The following PEAK1 variants were observed in gnomAD, a reference collection of about 807,000 sequenced individuals.
PEAK1 encodes inactive tyrosine-protein kinase PEAK1.
Under a neutral mutation model 124.7 loss-of-function variants are expected in PEAK1, and 54 were observed. That is an observed-to-expected ratio of 0.43 (90% CI 0.35 to 0.54). PEAK1 has a LOEUF of 0.54. Ranked by LOEUF, PEAK1 falls within the 20% of genes least tolerant of loss-of-function variation. The probability of loss-of-function intolerance (pLI) is 0.01; values close to 1 mark genes in which losing one functional copy is unlikely to be tolerated. For synonymous variants in PEAK1, 719 were observed against 760.0 expected, an observed-to-expected ratio of 0.95 and a Z score of 0.89; for missense variants, 2,046 against 2,134.5, an observed-to-expected ratio of 0.96 and a Z score of 0.82.
At chr15:77,419,163 A>C in intron 1 of PEAK1, 1 of 985,374 alleles carries the variant, frequency 1.0e-6, no homozygotes, top group South Asian at 4.7e-5. Context: ...TTAAAAAACA[A>C]CGAATCGCAA....
chr15:77,180,500 G>C lies in PEAK1; in HGVS notation c.1427C>G (p.Thr476Ser). 6.2e-7 allele frequency: 1 copy of C among 1,614,144 alleles called. No homozygotes were observed. The highest frequency in any genetic ancestry group is 8.5e-7 in the Non-Finnish European group (1 of 1,180,024). ...NLEQPLCKPY[T>S]VVDVSAAMAS... ...CATGGCTGCTGACACATCCACGACAGTATATGGCTTGCACAATGGCTGTTC... is the reference window on the plus strand; with the variant it reads ...CATGGCTGCTGACACATCCACGACACTATATGGCTTGCACAATGGCTGTTC... Residue 476 changes from threonine (T) to serine (S), a missense_variant, in exon 7 of 10, where the codon ACT becomes AGT. Thr to Ser is a moderately conservative substitution (Grantham distance 58). Coordinates refer to ENST00000682557, the MANE Select transcript of PEAK1 (RefSeq NM_001385026.1).
At chr15:77,352,789 T>C in intron 2 of PEAK1, 1 of 982,520 alleles carries the variant, frequency 1.0e-6, no homozygotes, top group Non-Finnish European at 1.2e-6. Flanking sequence ...GATCAACTTC[T>C]CAGAAAGTCA....
chr15:77,193,860 T>TAAA (rs2057976829), intron 6 of PEAK1, among the ~76,000 whole-genome samples: 1 of 137,774 alleles, frequency 7.3e-6, no homozygotes, highest in South Asian at 2.2e-4. Flanking sequence ...ACTAAACTAA[T>TAAA]CTAACTCTCT....
At chr15:77,410,220 TCCTCAGCCTCCCAAGTGATTCTCCTA>T (rs1305883539) in intron 1 of PEAK1, among the ~76,000 whole-genome samples, 2 of 152,002 alleles carry the variant, frequency 1.3e-5, no homozygotes, top group African/African-American at 4.8e-5. Context: ...CCTGAGTAGC[TCCTCAGCCTCCCAAGTGATTCTCCTA>T]CCTCAGCCTC....
At chr15:77,357,928 G>T (rs761698850) in intron 2 of PEAK1, among the ~76,000 whole-genome samples, 1 of 151,896 alleles carries the variant, frequency 6.6e-6, no homozygotes, top group African/African-American at 2.4e-5. Context: ...CTCAAATCCC[G>T]TATCTCAGTC....
At chr15:77,216,512 C>G (rs1257240788) in intron 6 of PEAK1, among the ~76,000 whole-genome samples, 1 of 152,304 alleles carries the variant, frequency 6.6e-6, no homozygotes, top group Non-Finnish European at 1.5e-5. Context: ...GGTGAAGTAA[C>G]TGATGCCTTA....
chr15:77,260,603 A>G (rs2061388780), intron 5 of PEAK1, among the ~76,000 whole-genome samples: 1 of 152,244 alleles, frequency 6.6e-6, no homozygotes, highest in African/African-American at 2.4e-5. Context: ...GATAAAATAT[A>G]TAGAGACAAA....
intron 6 of PEAK1, among the ~76,000 whole-genome samples, chr15:77,206,958 C>T (rs1328060145): frequency 1.3e-5 from 2 of 152,058 alleles, no homozygotes; most frequent in Middle Eastern, 6.3e-3. Context: ...AGAAATAACG[C>T]CGCATACCTA....
chr15:77,279,102 T>C (rs944699461), intron 5 of PEAK1, among the ~76,000 whole-genome samples: 1 of 85,066 alleles, frequency 1.2e-5, no homozygotes, highest in Admixed American at 1.3e-4. Context: ...TGCTCGTGTG[T>C]GCGTGTGTGT....
intron 2 of PEAK1, among the ~76,000 whole-genome samples, chr15:77,330,483 C>T (rs2065828906): frequency 7.7e-6 from 1 of 130,348 alleles, no homozygotes; most frequent in Admixed American, 7.7e-5. Context: ...GTCCAAAGTG[C>T]TTACAAAAGG....
In PEAK1 at chr15:77,347,687, A is replaced by T. The variant is rs1396994693; in HGVS notation, c.-603+17476T>A. The T allele has an allele frequency of 2.0e-5, 19 of 971,122 alleles. 1 individual carries two copies. The Admixed American group carries it at 1.2e-3, about 60-fold the overall frequency. The allele number at this position is 971,122 out of a possible 1,614,324, so 60.2% of individuals were successfully genotyped here. ...AAAACAACACCCTCCTAAAACAGAA[A>T]TTTTTAGAAATTACAGAAAATATTT... On this transcript the variant is annotated intron_variant, in intron 2 of 9. Transcript: ENST00000682557.
chr15:77,154,959 G>A (rs919497737), intron 8 of PEAK1, among the ~76,000 whole-genome samples: 5 of 152,034 alleles, frequency 3.3e-5, no homozygotes, highest in Non-Finnish European at 7.4e-5. Context: ...TGACAATTAT[G>A]TGTCTTGGAG....
intron 2 of PEAK1, chr15:77,350,152 C>A (rs2067120483): frequency 1.3e-5 from 13 of 985,390 alleles, no homozygotes; most frequent in Non-Finnish European, 1.4e-5. Flanking sequence ...AATGCATGCA[C>A]AAAAGTAATC....
chr15:77,214,463 A>G (rs1260475445), intron 6 of PEAK1, among the ~76,000 whole-genome samples: 1 of 151,180 alleles, frequency 6.6e-6, no homozygotes, highest in South Asian at 2.1e-4. Context: ...AAAAATACAA[A>G]AAAAAAAAAA....
intron 2 of PEAK1, among the ~76,000 whole-genome samples, chr15:77,329,184 A>T (rs1249196490): frequency 6.6e-6 from 1 of 152,208 alleles, no homozygotes; most frequent in Non-Finnish European, 1.5e-5. Flanking sequence ...CTTGTAAAAC[A>T]TGATTCAGAA....
chr15:77,213,740 T>C (rs909140289), intron 6 of PEAK1, among the ~76,000 whole-genome samples: 4 of 152,124 alleles, frequency 2.6e-5, no homozygotes, highest in Admixed American at 2.6e-4. Context: ...TGGGCTTACA[T>C]GATGAACAGG....
chr15:77,101,623 A>C (rs1391890036), exon 7 of PEAK1: 1 of 152,218 alleles, frequency 6.6e-6, no homozygotes, highest in Admixed American at 6.5e-5. Flanking sequence ...TCAGAGGTGG[A>C]ACCTGGAGCT....
intron 2 of PEAK1, chr15:77,332,990 A>G (rs1374077726): frequency 2.3e-6 from 2 of 857,876 alleles, no homozygotes; most frequent in Non-Finnish European, 2.8e-6. Context: ...TTTCCTATTC[A>G]GGCATTCATT....
intron 1 of PEAK1, among the ~76,000 whole-genome samples, chr15:77,411,873 A>C (rs2072444216): frequency 1.3e-5 from 2 of 152,090 alleles, no homozygotes; most frequent in African/African-American, 4.8e-5. Context: ...CATCCTCCAA[A>C]AGAGCTGAGA....
Sources: allele counts gnomAD v4.1 joint callset (sites outside exome capture counted in the v4.1 genomes callset), GRCh38; gene constraint gnomAD v4.1.1; transcripts MANE v1.5; gene names NCBI Gene and HGNC (gene_info 2026-07-23, HGNC 2026-07-21).